Variants in BACE1 observed in about 807,000 individuals in gnomAD.
The protein encoded by BACE1 is APP beta-secretase.
Under a neutral mutation model 54.0 loss-of-function variants are expected in BACE1, and 21 were observed. The observed-to-expected ratio is 0.39, with a 90% CI of 0.28 to 0.56. The LOEUF (loss-of-function observed/expected upper bound fraction) is 0.56, where lower values mean the gene tolerates loss of function less well. Ranked by LOEUF, BACE1 falls within the 20% of genes least tolerant of loss-of-function variation. BACE1 has a pLI of 0.63. For missense variants in BACE1, 511 were observed against 661.2 expected, an observed-to-expected ratio of 0.77 and a Z score of 2.49; for synonymous variants, 232 against 260.9, an observed-to-expected ratio of 0.89 and a Z score of 1.07.
chr11:117,307,506 T>G (rs1304965856), intron 1 of BACE1, among the ~76,000 whole-genome samples: 2 of 152,146 alleles, frequency 1.3e-5, no homozygotes, highest in African/African-American at 4.8e-5. Flanking sequence ...GAGACAGGGT[T>G]TCACCACGTT....
chr11:117,316,157 A>C lies in BACE1; in HGVS notation c.-362T>G, dbSNP rs2035117822. On this transcript the variant is annotated 5_prime_UTR_variant, in exon 1 of 9. Coordinates refer to ENST00000313005, the MANE Select transcript of BACE1 (RefSeq NM_012104.6). Reference sequence around the variant, plus strand: ...GCGGGCGGCGGCGCGGGCAGGGGCAAGGGCTCCGGGCTCCTGCGGCTGCGT... The same window carrying C: ...GCGGGCGGCGGCGCGGGCAGGGGCACGGGCTCCGGGCTCCTGCGGCTGCGT... 1 of 398,776 alleles carries C rather than the reference A, an allele frequency of 2.5e-6. No homozygotes were observed. The highest frequency in any genetic ancestry group is 1.2e-4 in the South Asian group (1 of 8,088). The allele number at this position is 398,776 out of a possible 1,614,324, so 24.7% of individuals were successfully genotyped here.
At position 117,288,599 on chromosome 11, in the gene BACE1, G is replaced by A. The variant is rs147682677; in HGVS notation, c.*967C>T. ...CAGAGCCCAGCCCTGCTATAGTCCA[G>A]TTGCTCTCCCACAGGGCACCTGGAG... On this transcript the variant is annotated 3_prime_UTR_variant, in exon 9 of 9. Coordinates refer to ENST00000313005, the MANE Select transcript of BACE1 (RefSeq NM_012104.6). 1 of 152,670 alleles carries A rather than the reference G, an allele frequency of 6.6e-6. No homozygotes were observed. The highest frequency in any genetic ancestry group is 1.5e-5 in the Non-Finnish European group (1 of 68,016). The allele number at this position is 152,670 out of a possible 1,614,324, so 9.5% of individuals were successfully genotyped here.
At chr11:117,313,619 G>A (rs538040540) in intron 1 of BACE1, among the ~76,000 whole-genome samples, 1 of 152,224 alleles carries the variant, frequency 6.6e-6, no homozygotes, top group South Asian at 2.1e-4. Flanking sequence ...TGTATTTTTA[G>A]TAGAAACAGG....
At position 117,296,973 on chromosome 11, in the gene BACE1, A is replaced by G. The variant is rs2134463446; in HGVS notation, c.262-12T>C. On this transcript the variant is annotated splice_polypyrimidine_tract_variant and intron_variant, in intron 1 of 8. Transcript: ENST00000313005. ...ACCAGGATGTTGAGCTGTCAGAGAA[A>G]GGGGAGAGAAAAGACAGTATAGACA... The G allele has an allele frequency of 1.2e-6, 2 of 1,609,226 alleles. No individual in the cohort carries two copies. Among genetic ancestry groups the G allele is most frequent in the Non-Finnish European group, 1.7e-6 (2 of 1,175,876 alleles).
At chr11:117,303,919 C>G (rs2034776807) in intron 1 of BACE1, among the ~76,000 whole-genome samples, 1 of 152,218 alleles carries the variant, frequency 6.6e-6, no homozygotes. Context: ...CTTCACCCAT[C>G]TTACACATGC....
Position 117,288,205 on chromosome 11 carries a change from A to G in BACE1, c.*1361T>C, listed in dbSNP as rs1439051762. The G allele has an allele frequency of 2.6e-5, 4 of 152,328 alleles. No individual in the cohort carries two copies. The highest frequency in any genetic ancestry group is 2.6e-4 in the Admixed American group (4 of 15,284). The allele number at this position is 152,328 out of a possible 1,614,324, so 9.4% of individuals were successfully genotyped here. On this transcript the variant is annotated 3_prime_UTR_variant, in exon 9 of 9. Coordinates refer to ENST00000313005, the MANE Select transcript of BACE1 (RefSeq NM_012104.6). ...GACATAAGGAAGCCCTGAGGCTGCC[A>G]TCCTTTCTCCAGGCAGCCTTGATAC...
intron 5 of BACE1, 156 bp from the exon 6 acceptor site, chr11:117,291,969 G>GTT (rs1157143257): frequency 3.8e-6 from 2 of 520,144 alleles, no homozygotes; most frequent in Middle Eastern, 3.5e-4. Context: ...CTGTGCCTCA[G>GTT]TTCCTTCATC....
intron 5 of BACE1, 70 bp from the exon 6 acceptor site, chr11:117,291,883 T>C: frequency 8.2e-7 from 1 of 1,223,968 alleles, no homozygotes; most frequent in Non-Finnish European, 1.2e-6. Flanking sequence ...AGTAGGGGGT[T>C]ACTGCTGGGG....
rs888590609 is a variant in BACE1 at position 117,292,063 on chromosome 11, C to T, written c.841-250G>A. The T allele has an allele frequency of 6.4e-5, 16 of 249,814 alleles. No individual in the cohort carries two copies. The Admixed American group carries it at 6.6e-4, about 10-fold the overall frequency. The allele number at this position is 249,814 out of a possible 1,614,324, so 15.5% of individuals were successfully genotyped here. A position where few individuals can be genotyped will look rare whatever the true frequency, so the allele number is the denominator to read the frequency against. On this transcript the variant is annotated intron_variant, in intron 5 of 8. Coordinates refer to ENST00000313005, the MANE Select transcript of BACE1 (RefSeq NM_012104.6). ...ATCAGCAATGTAAAGCACTTAGAATCGTGCCCAGCAGAGAGAAGGCACTTG... is the reference window on the plus strand; with the variant it reads ...ATCAGCAATGTAAAGCACTTAGAATTGTGCCCAGCAGAGAGAAGGCACTTG...
At chr11:117,313,361 G>A (rs1002108302) in intron 1 of BACE1, among the ~76,000 whole-genome samples, 1 of 152,238 alleles carries the variant, frequency 6.6e-6, no homozygotes, top group Non-Finnish European at 1.5e-5. Flanking sequence ...TCTCTGCTAA[G>A]TACTGGGCTG....
At position 117,306,570 on chromosome 11, in the gene BACE1, G is replaced by A. The variant is rs540588574; in HGVS notation, c.261+8965C>T. Among the ~76,000 whole-genome samples the A allele has an allele frequency of 1.5e-4, 23 of 152,292 alleles. 1 individual carries two copies. In the South Asian group the frequency reaches 4.8e-3, roughly 32 times the overall value. On this transcript the variant is annotated intron_variant, in intron 1 of 8. Transcript: ENST00000313005. The stretch of plus-strand genomic sequence containing the variant: ...CGCCTGTAGTCCCAGCACTTTGGGA[G>A]GCTGAGGTGGGCGGATCACTTGAGG...
intron 8 of BACE1, among the ~76,000 whole-genome samples, chr11:117,290,034 A>G (rs1227135900): frequency 6.6e-6 from 1 of 152,124 alleles, no homozygotes; most frequent in Non-Finnish European, 1.5e-5. Flanking sequence ...AGCTGGTAGG[A>G]GTGATAACTA....
intron 5 of BACE1, 181 bp downstream of exon 5, chr11:117,292,873 C>T: frequency 1.5e-6 from 1 of 649,306 alleles, no homozygotes; most frequent in Non-Finnish European, 2.5e-6. Context: ...AGTCCCTAGG[C>T]CCCAAACCGC....
intron 6 of BACE1, 106 bp from the exon 7 acceptor site, chr11:117,291,155 A>C: frequency 2.1e-6 from 3 of 1,415,918 alleles, no homozygotes; most frequent in Non-Finnish European, 2.9e-6. Flanking sequence ...TTTCCAGTGA[A>C]ATATCTAAAG....
intron 8 of BACE1, 94 bp from the exon 9 acceptor site, chr11:117,289,901 A>G (rs752856588): frequency 1.9e-5 from 22 of 1,129,178 alleles, no homozygotes; most frequent in Non-Finnish European, 2.6e-5. Flanking sequence ...AAATTAGCCC[A>G]TGCAGAAGTT....
At chr11:117,309,081 C>T (rs1322398612) in intron 1 of BACE1, among the ~76,000 whole-genome samples, 1 of 152,188 alleles carries the variant, frequency 6.6e-6, no homozygotes, top group African/African-American at 2.4e-5. Flanking sequence ...TCACCCCATA[C>T]ATCTCATCAA....
chr11:117,301,601 C>T (rs1246573686), intron 1 of BACE1, among the ~76,000 whole-genome samples: 3 of 150,188 alleles, frequency 2.0e-5, no homozygotes, highest in Non-Finnish European at 4.4e-5. Flanking sequence ...AGAACAAGAC[C>T]GTCTCAAAAA....
chr11:117,307,500 C>G (rs1048166718), intron 1 of BACE1, among the ~76,000 whole-genome samples: 11 of 152,146 alleles, frequency 7.2e-5, no homozygotes, highest in African/African-American at 2.7e-4. Flanking sequence ...TTGGTAGAGA[C>G]AGGGTTTCAC....
At position 117,303,433 on chromosome 11, in the gene BACE1, G is replaced by T. The variant is rs189442868; in HGVS notation, c.262-6472C>A. ...CACCTGCCCAGGTTTCACTCTGCATGTTCCCCTGCAGTTCTCAGCAGTAGA... is the reference window on the plus strand; with the variant it reads ...CACCTGCCCAGGTTTCACTCTGCATTTTCCCCTGCAGTTCTCAGCAGTAGA... On this transcript the variant is annotated intron_variant, in intron 1 of 8. Coordinates refer to ENST00000313005, the MANE Select transcript of BACE1 (RefSeq NM_012104.6). 2.2e-3 allele frequency among the ~76,000 whole-genome samples: 328 copies of T among 152,372 alleles called. 2 individuals carry two copies. The highest frequency in any genetic ancestry group is 7.5e-3 in the African/African-American group (313 of 41,580).
Sources: gnomAD v4.1 joint callset for allele counts (sites outside exome capture counted in the v4.1 genomes callset) on GRCh38, gnomAD v4.1.1 for gene constraint, MANE v1.5 for transcripts, NCBI Gene and HGNC (gene_info 2026-07-23, HGNC 2026-07-21) for gene names.